The following FTCDNL1 variants were observed in gnomAD, a reference collection of about 807,000 sequenced individuals.
The protein encoded by FTCDNL1 is formiminotransferase N-terminal subdomain-containing protein.
Under a neutral mutation model 5.9 loss-of-function variants are expected in FTCDNL1, and 11 were observed. The ratio of observed to expected loss-of-function variants is 1.87; its 90% CI spans 1.18 to 3.10. The LOEUF (loss-of-function observed/expected upper bound fraction) is 3.10. Ranked by LOEUF, FTCDNL1 falls within the 30% of genes most tolerant of loss-of-function variation. FTCDNL1 has a pLI of 0.00. For synonymous variants in FTCDNL1, 58 were observed against 24.8 expected (o/e 2.34, Z -3.99); for missense variants, 115 against 65.5 (o/e 1.76, Z -2.61).
the FTCDNL1 span, among the ~76,000 whole-genome samples, chr2:199,683,587 G>A: frequency 6.6e-6 from 1 of 150,946 alleles, no homozygotes; most frequent in South Asian, 2.1e-4. Context: ...CGAGATCTCT[G>A]CCAAATCTGA....
intron 3 of FTCDNL1, among the ~76,000 whole-genome samples, chr2:199,778,747 G>A (rs1440805889): frequency 6.6e-6 from 1 of 152,200 alleles, no homozygotes; most frequent in Non-Finnish European, 1.5e-5. Context: ...CCAAGAGAAT[G>A]TGGTTCTCAG....
At chr2:199,835,247 C>T (rs1347944571) in intron 3 of FTCDNL1, among the ~76,000 whole-genome samples, 13 of 152,098 alleles carry the variant, frequency 8.5e-5, no homozygotes, top group East Asian at 1.9e-4. Context: ...CCTATAATCC[C>T]CTCAAGGTAG....
chr2:199,774,080 A>G lies in FTCDNL1; in HGVS notation c.212-13245T>C, dbSNP rs536519630. On this transcript the variant is annotated intron_variant, in intron 3 of 3. Transcript: ENST00000416668. ...TTGTAATACATCCATTCTTGAATGT[A>G]CTCATCCTTGGGGCCTTTTGGTCCT... 2.0e-5 allele frequency among the ~76,000 whole-genome samples: 3 copies of G among 152,198 alleles called. No individual in the cohort carries two copies. In the East Asian group the frequency reaches 5.8e-4, roughly 29 times the overall value.
chr2:199,767,413 C>T (rs1397110870), intron 3 of FTCDNL1, among the ~76,000 whole-genome samples: 1 of 152,174 alleles, frequency 6.6e-6, no homozygotes, highest in Non-Finnish European at 1.5e-5. Flanking sequence ...GAGACAGCTT[C>T]GTTTGAATTA....
At chr2:199,695,594 G>A in the FTCDNL1 span, among the ~76,000 whole-genome samples, 1 of 152,184 alleles carries the variant, frequency 6.6e-6, no homozygotes, top group South Asian at 2.1e-4. Context: ...CCGAGCACCA[G>A]GACTCATTCC....
intron 3 of FTCDNL1, among the ~76,000 whole-genome samples, chr2:199,796,712 C>T (rs1700189736): frequency 6.6e-6 from 1 of 152,000 alleles, no homozygotes; most frequent in South Asian, 2.1e-4. Context: ...GGCAAATTTA[C>T]TCATATTACA....
chr2:199,698,425 C>T, the FTCDNL1 span, among the ~76,000 whole-genome samples: 14 of 152,080 alleles, frequency 9.2e-5, no homozygotes, highest in African/African-American at 3.1e-4. Context: ...TGAAATCATA[C>T]GAAGTACACT....
chr2:199,840,001 G>A lies in FTCDNL1; in HGVS notation c.211+6074C>T, dbSNP rs148015673. The stretch of plus-strand genomic sequence containing the variant: ...AGAGAAGACATGGGATTCAGGTTGA[G>A]GACCAGGGCATCCAACATGGAGAAA... On this transcript the variant is annotated intron_variant, in intron 3 of 4. Transcript: ENST00000420128. Among the ~76,000 whole-genome samples the A allele has an allele frequency of 1.3e-5, 2 of 152,304 alleles. 1 individual carries two copies. The highest frequency in any genetic ancestry group is 2.9e-5 in the Non-Finnish European group (2 of 68,034).
At chr2:199,735,115 G>GAAAAAAAAAAA in the FTCDNL1 span, among the ~76,000 whole-genome samples, 5 of 81,594 alleles carry the variant, frequency 6.1e-5, no homozygotes, top group Non-Finnish European at 7.1e-5. Flanking sequence ...ACTACCTTTA[G>GAAAAAAAAAAA]AAAAAAAAAA....
the FTCDNL1 span, among the ~76,000 whole-genome samples, chr2:199,664,133 T>A: frequency 6.6e-6 from 1 of 152,148 alleles, no homozygotes; most frequent in Non-Finnish European, 1.5e-5. Context: ...CTAACAAATT[T>A]AAAAATATAT....
the FTCDNL1 span, among the ~76,000 whole-genome samples, chr2:199,674,201 TA>T: frequency 6.6e-6 from 1 of 151,854 alleles, no homozygotes; most frequent in Admixed American, 6.6e-5. Flanking sequence ...TGTCACTGAG[TA>T]GACAAAATAA....
At position 199,775,150 on chromosome 2, in the gene FTCDNL1, T is replaced by C. The variant is rs993128516; in HGVS notation, c.212-14315A>G. 3.3e-5 allele frequency among the ~76,000 whole-genome samples: 5 copies of C among 152,352 alleles called. No homozygotes were observed. The East Asian group carries it at 9.6e-4, about 29-fold the overall frequency. Reference sequence around the variant, plus strand: ...CAGCTCCAAAATCACATTCATTGTCTGCGTTCTCCAACCACTCCTGACACC... The same window carrying C: ...CAGCTCCAAAATCACATTCATTGTCCGCGTTCTCCAACCACTCCTGACACC... On this transcript the variant is annotated intron_variant, in intron 3 of 3. Transcript: ENST00000416668.
At chr2:199,784,628 T>C (rs1699542412) in intron 3 of FTCDNL1, among the ~76,000 whole-genome samples, 1 of 152,182 alleles carries the variant, frequency 6.6e-6, no homozygotes, top group Admixed American at 6.5e-5. Context: ...GCCTCAGTCA[T>C]CTCACTGGGA....
intron 3 of FTCDNL1, among the ~76,000 whole-genome samples, chr2:199,794,382 G>C (rs1241482097): frequency 3.3e-5 from 5 of 152,194 alleles, no homozygotes; most frequent in Non-Finnish European, 5.9e-5. Context: ...GGATTATGCG[G>C]ATCAGTGGCC....
chr2:199,687,706 G>A, the FTCDNL1 span, among the ~76,000 whole-genome samples: 2 of 152,054 alleles, frequency 1.3e-5, no homozygotes, highest in Admixed American at 6.6e-5. Flanking sequence ...ACAGAAATGG[G>A]ACTGACCATG....
the FTCDNL1 span, among the ~76,000 whole-genome samples, chr2:199,753,682 C>A: frequency 6.6e-6 from 1 of 152,166 alleles, no homozygotes; most frequent in Non-Finnish European, 1.5e-5. Flanking sequence ...CTCTCCCCTT[C>A]GGTTTGTTGC....
intron 3 of FTCDNL1, chr2:199,760,894 C>A: frequency 2.9e-6 from 2 of 701,692 alleles, no homozygotes; most frequent in South Asian, 3.0e-5. Context: ...TGAGGCCTTA[C>A]CCCTCTCCAC....
Position 199,810,608 on chromosome 2 carries a change from T to G in FTCDNL1, c.*2097A>C, listed in dbSNP as rs543221065. Among the ~76,000 whole-genome samples the G allele has an allele frequency of 6.6e-6, 1 of 152,334 alleles. No homozygotes were observed. The highest frequency in any genetic ancestry group is 2.4e-5 in the African/African-American group (1 of 41,582). ...GTCCCGCCTTTCCCTGTCTCAGGGA[T>G]GGTGCGGCTCACATTACATAAATAG... On this transcript the variant is annotated 3_prime_UTR_variant, in exon 5 of 5. Transcript: ENST00000420128.
intron 3 of FTCDNL1, among the ~76,000 whole-genome samples, chr2:199,776,555 C>A (rs1436471026): frequency 6.6e-6 from 1 of 152,142 alleles, no homozygotes; most frequent in Non-Finnish European, 1.5e-5. Context: ...ATCAAAGGTA[C>A]CACTCGGGTC....
Sources: gnomAD v4.1 joint callset for allele counts (sites outside exome capture counted in the v4.1 genomes callset) on GRCh38, gnomAD v4.1.1 for gene constraint, MANE v1.5 for transcripts, NCBI Gene and HGNC (gene_info 2026-07-23, HGNC 2026-07-21) for gene names.